CDC73: variants seen among roughly 807,000 people sequenced by gnomAD.
The protein encoded by CDC73 is cell division cycle 73, also known as parafibromin.
Under a neutral mutation model 83.7 loss-of-function variants are expected in CDC73, and 21 were observed. That is an observed-to-expected ratio of 0.25 (90% confidence interval 0.18 to 0.36). CDC73 has a LOEUF of 0.36. Ranked by LOEUF, CDC73 falls within the 10% of genes least tolerant of loss-of-function variation. The pLI, the probability that CDC73 is intolerant of heterozygous loss-of-function variation, is 1.00. For missense variants in CDC73, 342 were observed against 653.3 expected (o/e 0.52, Z 5.19); for synonymous variants, 224 against 212.9 (o/e 1.05, Z -0.45).
At chr1:193,227,082 A>T (rs1269991681) in intron 13 of CDC73, among the ~76,000 whole-genome samples, 1 of 152,020 alleles carries the variant, frequency 6.6e-6, no homozygotes, top group Non-Finnish European at 1.5e-5. Context: ...CATATATTCT[A>T]GGTTTTCTAG....
intron 15 of CDC73, among the ~76,000 whole-genome samples, chr1:193,244,627 T>C (rs140195485): frequency 1.3e-5 from 2 of 152,234 alleles, no homozygotes; most frequent in Non-Finnish European, 2.9e-5. Context: ...TTCTTCAACA[T>C]AGGACATTCC....
intron 7 of CDC73, among the ~76,000 whole-genome samples, chr1:193,147,219 C>G (rs1676016444): frequency 6.6e-6 from 1 of 151,644 alleles, no homozygotes; most frequent in African/African-American, 2.4e-5. Context: ...GCCTCAATCT[C>G]CTGACCTCAT....
At chr1:193,204,219 ATATATATG>A (rs377210745) in intron 11 of CDC73, among the ~76,000 whole-genome samples, 101,482 of 142,876 alleles carry the variant, frequency 0.71, 36,252 homozygotes, top group South Asian at 0.79. Context: ...ATATATATGT[ATATATATG>A]TATATATACA....
chr1:193,125,798 T>G (rs1675560330), intron 2 of CDC73, among the ~76,000 whole-genome samples: 1 of 152,058 alleles, frequency 6.6e-6, no homozygotes, highest in African/African-American at 2.4e-5. Context: ...AGGTATCATT[T>G]GGAATGGATA....
intron 13 of CDC73, among the ~76,000 whole-genome samples, chr1:193,214,363 G>C (rs773467285): frequency 6.6e-6 from 1 of 152,176 alleles, no homozygotes; most frequent in Non-Finnish European, 1.5e-5. Context: ...TCTGCCAAAT[G>C]TAGCAAATTT....
chr1:193,135,470 A>G lies in CDC73; in HGVS notation c.370+17A>G, dbSNP rs760583012. 3.7e-6 allele frequency: 6 copies of G among 1,611,294 alleles called. No homozygotes were observed. The highest frequency in any genetic ancestry group is 5.1e-6 in the Non-Finnish European group (6 of 1,177,608). On this transcript the variant is annotated intron_variant, in intron 4 of 16. Transcript: ENST00000367435. ...CTACTCAAGGTATGTCTTGTTGCATATTTATATTGAACTTTCAGAAGCCCA... is the reference window on the plus strand; with the variant it reads ...CTACTCAAGGTATGTCTTGTTGCATGTTTATATTGAACTTTCAGAAGCCCA...
intron 13 of CDC73, among the ~76,000 whole-genome samples, chr1:193,213,734 C>T (rs1677315497): frequency 1.3e-5 from 2 of 152,164 alleles, no homozygotes; most frequent in Admixed American, 6.5e-5. Context: ...GACTGTTGCT[C>T]ACTAATCTTA....
At chr1:193,151,403 A>G (rs10801179) in intron 9 of CDC73, among the ~76,000 whole-genome samples, 110,188 of 152,120 alleles carry the variant, frequency 0.72, 40,193 homozygotes, top group South Asian at 0.82. Context: ...GCAGAGGTTG[A>G]TAAATTACAG....
intron 10 of CDC73, among the ~76,000 whole-genome samples, chr1:193,156,760 T>C (rs1676214279): frequency 6.6e-6 from 1 of 152,072 alleles, no homozygotes; most frequent in Admixed American, 6.6e-5. Flanking sequence ...AGAGTTCAGC[T>C]CTGCAGATAA....
At chr1:193,230,338 G>A (rs1363763157) in intron 13 of CDC73, among the ~76,000 whole-genome samples, 3 of 151,374 alleles carry the variant, frequency 2.0e-5, no homozygotes, top group Non-Finnish European at 2.9e-5. Flanking sequence ...TAGTAGAGAC[G>A]GGATTTCACC....
intron 12 of CDC73, 131 bp downstream of exon 12, chr1:193,212,231 A>G: frequency 1.2e-6 from 1 of 847,390 alleles, no homozygotes; most frequent in Non-Finnish European, 1.9e-6. Context: ...TTAGTGCCCA[A>G]GCCACACTGA....
In CDC73 at chr1:193,252,337, ATGT is replaced by A. The variant is rs1678056702; in HGVS notation, c.*1629_*1631del. Reference sequence around the variant, plus strand: ...TAAATATATTTCCAAAATAAATTACATGTTGTGTAAACTTTCTCCATGATGAAA... The same window carrying A: ...TAAATATATTTCCAAAATAAATTACATGTGTAAACTTTCTCCATGATGAAA... On this transcript the variant is annotated 3_prime_UTR_variant, in exon 17 of 17. Transcript: ENST00000367435. The A allele has an allele frequency of 4.3e-6, 1 of 230,152 alleles. No individual in the cohort carries two copies. The highest frequency in any genetic ancestry group is 8.6e-6 in the Non-Finnish European group (1 of 116,090). 14.3% of individuals were successfully genotyped at this position (230,152 alleles called of 1,614,324 possible). A position where few individuals can be genotyped will look rare whatever the true frequency, so the allele number is the denominator to read the frequency against.
At chr1:193,172,826 A>C (rs1676540439) in intron 10 of CDC73, among the ~76,000 whole-genome samples, 1 of 152,186 alleles carries the variant, frequency 6.6e-6, no homozygotes, top group African/African-American at 2.4e-5. Context: ...TTGTTCCTAA[A>C]CCATTGCTGT....
chr1:193,181,572 A>G (rs1676717525), intron 10 of CDC73: 2 of 1,568,630 alleles, frequency 1.3e-6, no homozygotes, highest in East Asian at 4.5e-5. Flanking sequence ...TGTTGTAAAT[A>G]TCCAGTAGTG....
At chr1:193,238,734 A>T (rs1173746963) in intron 15 of CDC73, among the ~76,000 whole-genome samples, 1 of 152,236 alleles carries the variant, frequency 6.6e-6, no homozygotes, top group Admixed American at 6.5e-5. Context: ...CTGTATTCTT[A>T]TGATAAAGTA....
chr1:193,208,792 T>TGTTCA (rs1048497672), intron 11 of CDC73, among the ~76,000 whole-genome samples: 1 of 152,208 alleles, frequency 6.6e-6, no homozygotes, highest in African/African-American at 2.4e-5. Context: ...ACATTTGTTT[T>TGTTCA]GTTCAGTTCC....
Position 193,253,727 on chromosome 1 carries a change from C to T in CDC73, c.*3015C>T, listed in dbSNP as rs1553293384. ...GCAGAAAGAAGTATTAATTTTTGATCTGCCATGTAGAATGAGACAAATACA... is the reference window on the plus strand; with the variant it reads ...GCAGAAAGAAGTATTAATTTTTGATTTGCCATGTAGAATGAGACAAATACA... On this transcript the variant is annotated 3_prime_UTR_variant, in exon 17 of 17. Transcript: ENST00000367435. The T allele has an allele frequency of 4.3e-6, 1 of 231,322 alleles. No homozygotes were observed. The highest frequency in any genetic ancestry group is 8.5e-6 in the Non-Finnish European group (1 of 116,976). The allele number at this position is 231,322 out of a possible 1,614,324, so 14.3% of individuals were successfully genotyped here. A position where few individuals can be genotyped will look rare whatever the true frequency, so the allele number is the denominator to read the frequency against.
At chr1:193,133,401 T>A (rs1173760635) in intron 3 of CDC73, among the ~76,000 whole-genome samples, 1 of 152,188 alleles carries the variant, frequency 6.6e-6, no homozygotes, top group Non-Finnish European at 1.5e-5. Context: ...GAGGTAGGAA[T>A]AGAACTAGAC....
intron 10 of CDC73, among the ~76,000 whole-genome samples, chr1:193,169,789 A>G (rs1676489856): frequency 6.6e-6 from 1 of 151,940 alleles, no homozygotes; most frequent in East Asian, 1.9e-4. Flanking sequence ...TCCCTTTTGT[A>G]ATTTTATTTC....
Sources: gnomAD v4.1 joint callset for allele counts (sites outside exome capture counted in the v4.1 genomes callset) on GRCh38, gnomAD v4.1.1 for gene constraint, MANE v1.5 for transcripts, NCBI Gene and HGNC (gene_info 2026-07-23, HGNC 2026-07-21) for gene names.